TIAM1: variants seen among roughly 807,000 people sequenced by gnomAD.
TIAM1 encodes rho guanine nucleotide exchange factor TIAM1.
Under a neutral mutation model 163.5 loss-of-function variants are expected in TIAM1, and 65 were observed. The observed-to-expected ratio is 0.40, with a 90% CI of 0.33 to 0.49. TIAM1 has a LOEUF of 0.49. Ranked by LOEUF, TIAM1 falls within the 20% of genes least tolerant of loss-of-function variation. The pLI is 0.77. For missense variants in TIAM1, 1,789 were observed against 2,044.7 expected (o/e 0.87, Z 2.41); for synonymous variants, 833 against 810.1 (o/e 1.03, Z -0.48).
chr21:31,311,178 T>G lies in TIAM1; in HGVS notation c.-189+28065A>C, dbSNP rs924457292. ...TTTTTTGTTTGTTTGTTTTGTTTTT[T>G]TTTTTGTCAAATTTGGAGGAATATT... On this transcript the variant is annotated intron_variant, in intron 2 of 27. Coordinates refer to ENST00000541036, the MANE Select transcript of TIAM1 (RefSeq NM_001353694.2). Among the ~76,000 whole-genome samples the G allele has an allele frequency of 5.3e-5, 8 of 152,096 alleles. No homozygotes were observed. The East Asian group carries it at 5.8e-4, about 11-fold the overall frequency.
intron 1 of TIAM1, among the ~76,000 whole-genome samples, chr21:31,509,299 T>G (rs555116945): frequency 1.3e-5 from 2 of 152,236 alleles, no homozygotes; most frequent in East Asian, 3.9e-4. Flanking sequence ...AGGCATGGCA[T>G]GGGGAAGCCT....
intron 3 of TIAM1, among the ~76,000 whole-genome samples, chr21:31,270,404 T>C (rs1243273602): frequency 6.6e-6 from 1 of 152,158 alleles, no homozygotes; most frequent in East Asian, 1.9e-4. Context: ...TGGTACTAGA[T>C]CTCAAGCTTG....
chr21:31,233,737 C>T lies in TIAM1; in HGVS notation c.1585-7787G>A, dbSNP rs144832880. The stretch of plus-strand genomic sequence containing the variant: ...AGACAACTTTAAATTTGAGGTTTCC[C>T]TCCCCCACTGAAAATGGTGATATAA... On this transcript the variant is annotated intron_variant, in intron 6 of 27. Coordinates refer to ENST00000541036, the MANE Select transcript of TIAM1 (RefSeq NM_001353694.2). 2.8e-3 allele frequency among the ~76,000 whole-genome samples: 432 copies of T among 152,304 alleles called. 6 individuals are homozygous for T. The highest frequency in any genetic ancestry group is 0.01 in the African/African-American group (423 of 41,578).
At chr21:31,323,597 G>A (rs1487133465) in intron 2 of TIAM1, among the ~76,000 whole-genome samples, 5 of 151,986 alleles carry the variant, frequency 3.3e-5, no homozygotes, top group African/African-American at 4.8e-5. Context: ...TTGGGAGGCC[G>A]AGGCGGGTGG....
rs192656961 is a variant in TIAM1, at chr21:31,452,679, T to C, written c.-369+11304A>G. On this transcript the variant is annotated intron_variant, in intron 2 of 28. Coordinates refer to the TIAM1 transcript ENST00000286827. ...CTCAGGGCTTTTAATATCTCCAGAA[T>C]ATATTTTTCCATTTTCCATAAGACT... 6.5e-3 allele frequency: 2,846 copies of C among 437,380 alleles called. 13 individuals are homozygous for C. Among genetic ancestry groups the C allele is most frequent in the Middle Eastern group, 9.9e-3 (16 of 1,616 alleles). 27.1% of individuals were successfully genotyped at this position (437,380 alleles called of 1,614,324 possible).
intron 12 of TIAM1, among the ~76,000 whole-genome samples, chr21:31,201,021 A>T (rs2086172171): frequency 6.6e-6 from 1 of 152,224 alleles, no homozygotes; most frequent in Non-Finnish European, 1.5e-5. Flanking sequence ...ACAATGGGCA[A>T]GGCTTAAAAA....
rs567606340 is a variant in TIAM1 at position 31,325,999 on chromosome 21, G to A, written c.-189+13244C>T. Among the ~76,000 whole-genome samples, 16 of 152,248 alleles carry A rather than the reference G, an allele frequency of 1.1e-4. 1 individual carries two copies. In the South Asian group the frequency reaches 3.1e-3, roughly 30 times the overall value. On this transcript the variant is annotated intron_variant, in intron 2 of 27. Coordinates refer to ENST00000541036, the MANE Select transcript of TIAM1 (RefSeq NM_001353694.2). ...AAGAGCATCCCTTTGCAAACCAACC[G>A]TGTTTCTCACGCCCTCCAGACCCTC...
chr21:31,357,404 CTA>C (rs1210870982), intron 2 of TIAM1, among the ~76,000 whole-genome samples: 1 of 152,270 alleles, frequency 6.6e-6, no homozygotes. Flanking sequence ...ACTTCTAAGA[CTA>C]TATATATTCT....
chr21:31,349,689 T>C (rs1020330465), intron 2 of TIAM1, among the ~76,000 whole-genome samples: 8 of 152,202 alleles, frequency 5.3e-5, no homozygotes, highest in African/African-American at 1.7e-4. Context: ...ATCCCCAGTA[T>C]AGCCTCTTGA....
Position 31,217,673 on chromosome 21 carries a change from T to C in TIAM1, c.2022A>G (p.Gly674=). Residue 674 remains glycine (G), a synonymous_variant, in exon 9 of 28, where the codon GGA becomes GGG. Coordinates refer to ENST00000541036, the MANE Select transcript of TIAM1 (RefSeq NM_001353694.2). ...ACATGGCCTGAGTACGTCTTCTCAC[T>C]CCAGTTTCACCAGTGCGTGCTGCCA... The part of the protein sequence containing the change: ...ALVAARTGET[G]VRRRTQAMSR... The C allele has an allele frequency of 6.2e-7, 1 of 1,613,620 alleles. No individual in the cohort carries two copies. Among genetic ancestry groups the C allele is most frequent in the Non-Finnish European group, 8.5e-7 (1 of 1,179,778 alleles).
At chr21:31,318,259 G>A (rs545900992) in intron 2 of TIAM1, among the ~76,000 whole-genome samples, 21 of 152,210 alleles carry the variant, frequency 1.4e-4, no homozygotes, top group African/African-American at 4.3e-4. Context: ...CACCACACCC[G>A]GCTATGTTTT....
intron 10 of TIAM1, among the ~76,000 whole-genome samples, chr21:31,211,296 G>C (rs1213785001): frequency 6.6e-6 from 1 of 152,104 alleles, no homozygotes; most frequent in Non-Finnish European, 1.5e-5. Flanking sequence ...TTGATATAAT[G>C]TTACTTTCCT....
At chr21:31,554,201 C>G (rs985462974) in intron 1 of TIAM1, among the ~76,000 whole-genome samples, 1 of 152,136 alleles carries the variant, frequency 6.6e-6, no homozygotes, top group Non-Finnish European at 1.5e-5. Context: ...ACTGAATCCT[C>G]ATAGCCCAAT....
At chr21:31,480,263 A>C (rs2046068999) in intron 1 of TIAM1, among the ~76,000 whole-genome samples, 1 of 152,156 alleles carries the variant, frequency 6.6e-6, no homozygotes, top group African/African-American at 2.4e-5. Context: ...TTTACCATTA[A>C]ATCAGTTAAC....
intron 2 of TIAM1, among the ~76,000 whole-genome samples, chr21:31,383,278 A>C (rs1003814048): frequency 2.0e-5 from 3 of 152,226 alleles, no homozygotes; most frequent in African/African-American, 7.2e-5. Context: ...CCATAAATTC[A>C]GAATACTTAA....
rs567339208 is a variant in TIAM1 at position 31,154,478 on chromosome 21, C to T, written c.2992-52G>A. ...GCAGAGGTCATTATCCCTCATTAGA[C>T]GCACCTGACACCTGGACCGCCTAGA... On this transcript the variant is annotated intron_variant, in intron 16 of 27. Transcript: ENST00000541036. 41 of 1,577,068 alleles carry T rather than the reference C, an allele frequency of 2.6e-5. 2 individuals carry two copies. The highest frequency in any genetic ancestry group is 2.0e-4 in the Middle Eastern group (1 of 4,962).
chr21:31,157,424 T>C (rs993752024), intron 16 of TIAM1, among the ~76,000 whole-genome samples: 1 of 152,234 alleles, frequency 6.6e-6, no homozygotes, highest in African/African-American at 2.4e-5. Context: ...TTGTACTGCA[T>C]AGTTTCCTGC....
chr21:31,371,814 T>C (rs2076601183), intron 2 of TIAM1, among the ~76,000 whole-genome samples: 1 of 152,104 alleles, frequency 6.6e-6, no homozygotes, highest in East Asian at 1.9e-4. Flanking sequence ...TGAAGACTCT[T>C]TTAGATCCTA....
At chr21:31,553,290 C>A (rs888400707) in intron 1 of TIAM1, among the ~76,000 whole-genome samples, 9 of 152,130 alleles carry the variant, frequency 5.9e-5, no homozygotes, top group Admixed American at 3.9e-4. Flanking sequence ...ACCCAGGTAG[C>A]CCATATTATG....
Sources: allele counts gnomAD v4.1 joint callset (sites outside exome capture counted in the v4.1 genomes callset), GRCh38; gene constraint gnomAD v4.1.1; transcripts MANE v1.5; gene names NCBI Gene and HGNC (gene_info 2026-07-23, HGNC 2026-07-21).